NPAT: variants seen among roughly 807,000 people sequenced by gnomAD.
NPAT encodes nuclear protein, coactivator of histone transcription.
Under a neutral mutation model 130.7 loss-of-function variants are expected in NPAT, and 52 were observed. That is an observed-to-expected ratio of 0.40 (90% confidence interval 0.32 to 0.50). The LOEUF is 0.50. NPAT is among the 20% of genes least tolerant of loss of function. The pLI is 0.68. For synonymous variants in NPAT, 580 were observed against 584.8 expected, an observed-to-expected ratio of 0.99 and a Z score of 0.12; for missense variants, 1,687 against 1,662.6, an observed-to-expected ratio of 1.01 and a Z score of -0.26.
chr11:108,172,004 A>T (rs2077956063), intron 13 of NPAT, 195 bp downstream of exon 13: 5 of 593,598 alleles, frequency 8.4e-6, no homozygotes, highest in Non-Finnish European at 1.5e-5. Flanking sequence ...TAAAGCCCAT[A>T]GCTTACTAGC....
rs996049010 is a variant in NPAT at position 108,189,119 on chromosome 11, T to C, written c.543A>G (p.Gln181=). ...ATGTAAACTTACTGGTTACAGTATC[T>C]TGTGACTGTGAGTGGTTGACCACTA... The part of the protein sequence containing the change: ...YFVVVNHSQS[Q]DTVTTGEALN... The change falls in exon 6 of 18, where the codon CAA becomes CAG. Residue 181 remains glutamine (Q), a synonymous_variant. Coordinates refer to ENST00000278612, the MANE Select transcript of NPAT (RefSeq NM_002519.3). The C allele has an allele frequency of 6.2e-7, 1 of 1,613,652 alleles. No individual in the cohort carries two copies. Among genetic ancestry groups the C allele is most frequent in the African/African-American group, 1.3e-5 (1 of 74,918 alleles).
At chr11:108,199,893 TTCTC>T (rs1437270159) in intron 1 of NPAT, among the ~76,000 whole-genome samples, 1 of 152,210 alleles carries the variant, frequency 6.6e-6, no homozygotes, top group African/African-American at 2.4e-5. Flanking sequence ...AGCATTTTCT[TTCTC>T]TCTTCCTGGC....
intron 1 of NPAT, among the ~76,000 whole-genome samples, chr11:108,215,112 T>TA (rs1301144934): frequency 2.6e-5 from 4 of 152,230 alleles, no homozygotes; most frequent in Admixed American, 6.5e-5. Context: ...CTTGGGCAGC[T>TA]AATCTTTTCT....
chr11:108,173,406 G>A lies in NPAT; in HGVS notation c.1578C>T (p.Leu526=). The A allele has an allele frequency of 6.2e-7, 1 of 1,614,070 alleles. No homozygotes were observed. Among genetic ancestry groups the A allele is most frequent in the South Asian group, 1.1e-5 (1 of 91,064 alleles). Residue 526 remains leucine, a synonymous_variant, in exon 13 of 18, where the codon CTC becomes CTT. Transcript: ENST00000278612. ...ATAAAAGTTGAGAACTCTTCCCAGAGAGAATTAAGTTTTCATTGTTAGCTT... is the reference window on the plus strand; with the variant it reads ...ATAAAAGTTGAGAACTCTTCCCAGAAAGAATTAAGTTTTCATTGTTAGCTT... ...GCEANNENLI[L]SGKSSQLLSQ... is the part of the protein sequence containing the mutation.
In NPAT at chr11:108,161,429, A is replaced by C. The variant is rs776701812; in HGVS notation, c.3657T>G (p.Asn1219Lys). The C allele has an allele frequency of 1.9e-6, 3 of 1,614,174 alleles. No individual in the cohort carries two copies. Among genetic ancestry groups the C allele is most frequent in the Non-Finnish European group, 2.5e-6 (3 of 1,180,018 alleles). ...KKQGTSSNNK[N>K]VLSVGTAVKD... ...TCACAGCTGTACCTACTGAAAGTACATTTTTATTGTTTGAAGATGTGCCTT... is the reference window on the plus strand; with the variant it reads ...TCACAGCTGTACCTACTGAAAGTACCTTTTTATTGTTTGAAGATGTGCCTT... Residue 1219 changes from asparagine to lysine, a missense_variant, in exon 17 of 18, where the codon AAT becomes AAG. Around this residue, in one of 3 missense-constraint regions of NPAT, gnomAD observed 1,379 missense variants for 1,346.6 expected, o/e 1.02. Transcript: ENST00000278612.
At chr11:108,160,078 A>G (rs2077830869) in intron 17 of NPAT, among the ~76,000 whole-genome samples, 1 of 150,818 alleles carries the variant, frequency 6.6e-6, no homozygotes, top group African/African-American at 2.4e-5. Flanking sequence ...TGAACTCAGG[A>G]GGCGGAAGTT....
In NPAT at chr11:108,202,177, A is replaced by G. The variant is rs147695455; in HGVS notation, c.38-4757T>C. 4.5e-3 allele frequency among the ~76,000 whole-genome samples: 681 copies of G among 152,306 alleles called. 4 individuals are homozygous for G. Among genetic ancestry groups the G allele is most frequent in the Middle Eastern group, 0.01 (3 of 294 alleles). The stretch of plus-strand genomic sequence containing the variant: ...TGCCCATGCCACTATCTGGAAAGAA[A>G]GGGACTTCCTCACAGCTAATAGGTC... On this transcript the variant is annotated intron_variant, in intron 1 of 17. Coordinates refer to ENST00000278612, the MANE Select transcript of NPAT (RefSeq NM_002519.3).
chr11:108,214,619 AAT>A (rs1320010130), intron 1 of NPAT, among the ~76,000 whole-genome samples: 1 of 152,034 alleles, frequency 6.6e-6, no homozygotes, highest in African/African-American at 2.4e-5. Flanking sequence ...TCAATAAAAA[AAT>A]ATGATTCCAA....
intron 1 of NPAT, among the ~76,000 whole-genome samples, chr11:108,216,228 C>G (rs774054272): frequency 6.6e-6 from 1 of 152,136 alleles, no homozygotes; most frequent in Non-Finnish European, 1.5e-5. Flanking sequence ...ACCCTAGATG[C>G]CTTCAGTCAC....
chr11:108,173,235 A>T lies in NPAT; in HGVS notation c.1749T>A (p.Asn583Lys). 1 of 1,613,024 alleles carries T rather than the reference A, an allele frequency of 6.2e-7. No individual in the cohort carries two copies. Among genetic ancestry groups the T allele is most frequent in the South Asian group, 1.1e-5 (1 of 91,042 alleles). ...GCTGTGACATAACTGGTTCTAACAC[A>T]TTAATTTCTATTTTACTCTTGTGAA... ...SEVHKSKIEI[N>K]VLEPVMSQLS... Residue 583 changes from asparagine (N) to lysine (K), a missense_variant, in exon 13 of 18, where the codon AAT becomes AAA. Asn to Lys is a moderately conservative substitution (Grantham distance 94). Transcript: ENST00000278612.
chr11:108,186,896 GTCAACTATATTTT>G (rs979733616), intron 7 of NPAT, among the ~76,000 whole-genome samples: 57 of 152,212 alleles, frequency 3.7e-4, no homozygotes, highest in Middle Eastern at 6.8e-3. Flanking sequence ...GTTATTCAAG[GTCAACTATATTTT>G]CTCTATTTGT....
Position 108,161,560 on chromosome 11 carries a change from C to A in NPAT, c.3526G>T (p.Glu1176Ter), listed in dbSNP as rs1432544705. The change falls in exon 17 of 18, where the codon GAA (glutamate) becomes TAA (stop). Residue 1176 changes from glutamate (E) to a stop codon, truncating the protein, a stop_gained. Transcript: ENST00000278612. LOFTEE classifies it high-confidence loss of function. ...NKENELCSDV[E>*]RQKNPENSKL... ...GAATTTTCTGGATTTTTCTGTCTTT[C>A]TACATCGCTGCATAATTCATTCTCC... 6.2e-7 allele frequency: 1 copy of A among 1,614,050 alleles called. No homozygotes were observed. Among genetic ancestry groups the A allele is most frequent in the Non-Finnish European group, 8.5e-7 (1 of 1,180,024 alleles).
In NPAT at chr11:108,162,114, A is replaced by T; in HGVS notation, c.3071+6T>A. 1.2e-6 allele frequency: 2 copies of T among 1,613,552 alleles called. No individual in the cohort carries two copies. The highest frequency in any genetic ancestry group is 1.7e-6 in the Non-Finnish European group (2 of 1,179,478). On this transcript the variant is annotated splice_donor_region_variant and intron_variant, in intron 16 of 17. Coordinates refer to ENST00000278612, the MANE Select transcript of NPAT (RefSeq NM_002519.3). ...CAATCTATGATAGAAACTACTTTATACTCACTTTTGTGCATGACATCCAAC... is the reference window on the plus strand; with the variant it reads ...CAATCTATGATAGAAACTACTTTATTCTCACTTTTGTGCATGACATCCAAC...
At chr11:108,199,418 C>A (rs1467868240) in intron 1 of NPAT, among the ~76,000 whole-genome samples, 1 of 152,230 alleles carries the variant, frequency 6.6e-6, no homozygotes, top group Non-Finnish European at 1.5e-5. Context: ...GAGGCCCAGG[C>A]AGGCGCGCCA....
chr11:108,178,408 C>T (rs1256597973), intron 10 of NPAT, among the ~76,000 whole-genome samples: 1 of 151,948 alleles, frequency 6.6e-6, no homozygotes, highest in Non-Finnish European at 1.5e-5. Flanking sequence ...TAATTTTGCA[C>T]CTTATTATTA....
chr11:108,172,065 G>A (rs906309157), intron 13 of NPAT, 134 bp downstream of exon 13: 29 of 769,890 alleles, frequency 3.8e-5, no homozygotes, highest in African/African-American at 1.0e-4. Context: ...AAGAAGCAGC[G>A]TAATCACAAA....
At chr11:108,199,194 C>A (rs1306400360) in intron 1 of NPAT, among the ~76,000 whole-genome samples, 2 of 152,210 alleles carry the variant, frequency 1.3e-5, no homozygotes, top group Non-Finnish European at 2.9e-5. Context: ...TGGGCAACAG[C>A]TGGGGCTCTG....
At chr11:108,190,792 G>A (rs1448480364) in intron 4 of NPAT, among the ~76,000 whole-genome samples, 2 of 152,190 alleles carry the variant, frequency 1.3e-5, no homozygotes, top group East Asian at 3.8e-4. Flanking sequence ...TGCAATCTGG[G>A]CTGGGTATGG....
chr11:108,203,006 T>C (rs975192296), intron 1 of NPAT, among the ~76,000 whole-genome samples: 2 of 152,144 alleles, frequency 1.3e-5, no homozygotes, highest in Non-Finnish European at 2.9e-5. Context: ...ACTATCTTCA[T>C]TGTGCTAGGA....
Sources: gnomAD v4.1 joint callset for allele counts (sites outside exome capture counted in the v4.1 genomes callset) on GRCh38, gnomAD v4.1.1 for gene constraint, gnomAD v4.1.1 regional missense constraint, MANE v1.5 for transcripts, NCBI Gene and HGNC (gene_info 2026-07-23, HGNC 2026-07-21) for gene names.